The following RASA3 variants were observed in gnomAD, a reference collection of about 807,000 sequenced individuals.
RASA3 encodes the protein RAS p21 protein activator 3.
RASA3 carries 73 observed loss-of-function variants against 110.0 expected under a neutral mutation model. That is an observed-to-expected ratio of 0.66 (90% CI 0.55 to 0.81). The LOEUF (loss-of-function observed/expected upper bound fraction) is 0.81. Ranked by LOEUF, RASA3 falls within the 30% of genes least tolerant of loss-of-function variation. The probability of loss-of-function intolerance (pLI) is 0.00; values close to 1 mark genes in which losing one functional copy is unlikely to be tolerated. For synonymous variants in RASA3, 500 were observed against 451.4 expected, an observed-to-expected ratio of 1.11 and a Z score of -1.37; for missense variants, 976 against 1,113.2, an observed-to-expected ratio of 0.88 and a Z score of 1.75.
At position 114,011,023 on chromosome 13, in the gene RASA3, G is replaced by A. The variant is rs1309379506; in HGVS notation, c.1590+148C>T. The A allele has an allele frequency of 1.3e-6, 1 of 763,484 alleles. No homozygotes were observed. Among genetic ancestry groups the A allele is most frequent in the East Asian group, 2.8e-5 (1 of 36,132 alleles). The allele number at this position is 763,484 out of a possible 1,614,324, so 47.3% of individuals were successfully genotyped here. ...GCGGGACGGGGACGCTCAGGTCCTG[G>A]GTTTCAAGAGAGGATGTGGTGCCGG... On this transcript the variant is annotated intron_variant, in intron 16 of 23. Coordinates refer to ENST00000334062, the MANE Select transcript of RASA3 (RefSeq NM_007368.4). This position sits in a 1 kb window ranked among gnomAD's most constrained non-coding sequence, Gnocchi z 4.8.
chr13:114,039,452 A>T (rs961137762), intron 4 of RASA3, among the ~76,000 whole-genome samples: 1 of 152,062 alleles, frequency 6.6e-6, no homozygotes, highest in Non-Finnish European at 1.5e-5. Context: ...CTGCGGTCCC[A>T]GCTGAGGACC....
chr13:114,100,762 A>G (rs1199417925), intron 1 of RASA3, among the ~76,000 whole-genome samples: 4 of 152,082 alleles, frequency 2.6e-5, no homozygotes, highest in African/African-American at 4.8e-5. Flanking sequence ...GGAACTGTGT[A>G]CCCTTCGAGA....
At chr13:114,083,525 TCG>T in intron 1 of RASA3, among the ~76,000 whole-genome samples, 1 of 141,318 alleles carries the variant, frequency 7.1e-6, no homozygotes, top group Non-Finnish European at 1.6e-5. Flanking sequence ...GTCTGGAGTA[TCG>T]ACTCCCTTCG....
chr13:114,108,650 A>T (rs1167621419), intron 1 of RASA3: 1 of 151,982 alleles, frequency 6.6e-6, no homozygotes, highest in Non-Finnish European at 1.5e-5. Context: ...CCTTGTGTGC[A>T]CAGCTTCTGA....
In RASA3 at chr13:114,014,424, G is replaced by A. The variant is rs2053743700; in HGVS notation, c.1405+785C>T. ...GTGGGGACAGCGTTTGTCTCCTGGG[G>A]ACACAGAAGCGTGGACGGCTCTGCA... On this transcript the variant is annotated intron_variant, in intron 14 of 23. Coordinates refer to ENST00000334062, the MANE Select transcript of RASA3 (RefSeq NM_007368.4). This position sits in a 1 kb window ranked among gnomAD's most constrained non-coding sequence, Gnocchi z 4.5. 6.6e-6 allele frequency among the ~76,000 whole-genome samples: 1 copy of A among 152,168 alleles called. No individual in the cohort carries two copies. The highest frequency in any genetic ancestry group is 2.1e-4 in the South Asian group (1 of 4,826).
chr13:114,036,623 C>T (rs942525539), intron 4 of RASA3, among the ~76,000 whole-genome samples: 2 of 152,150 alleles, frequency 1.3e-5, no homozygotes, highest in African/African-American at 2.4e-5. Context: ...CAGCAACCTC[C>T]GCCTCCCGGG....
chr13:114,066,490 C>T (rs960447896), intron 2 of RASA3, among the ~76,000 whole-genome samples: 2 of 152,184 alleles, frequency 1.3e-5, no homozygotes, highest in African/African-American at 4.8e-5. Context: ...CGGTGCGGCC[C>T]CCTCGTGACA....
intron 2 of RASA3, among the ~76,000 whole-genome samples, chr13:114,070,743 C>T (rs1185943536): frequency 7.2e-6 from 1 of 138,954 alleles, no homozygotes; most frequent in Non-Finnish European, 1.6e-5. Flanking sequence ...CCGGCGTCCA[C>T]GCTAAACGGC....
chr13:113,981,891 G>A (rs377410160), intron 22 of RASA3, 33 bp from the exon 23 acceptor site: 96 of 1,595,388 alleles, frequency 6.0e-5, no homozygotes, highest in Non-Finnish European at 7.4e-5. Flanking sequence ...CGCAGGGCAG[G>A]AGCCCAGGCC....
intron 14 of RASA3, 134 bp downstream of exon 14, chr13:114,015,075 A>G: frequency 8.0e-7 from 1 of 1,254,732 alleles, no homozygotes; most frequent in South Asian, 1.4e-5. Flanking sequence ...GGAAAAATCC[A>G]GCATCGGAAC....
intron 1 of RASA3, among the ~76,000 whole-genome samples, chr13:114,076,564 C>T (rs553722086): frequency 6.6e-5 from 10 of 151,970 alleles, no homozygotes; most frequent in South Asian, 2.1e-4. Context: ...ACGCAGCACA[C>T]GCAGGCAGCA....
At chr13:114,089,987 C>T (rs1204172039) in intron 1 of RASA3, among the ~76,000 whole-genome samples, 3 of 152,222 alleles carry the variant, frequency 2.0e-5, no homozygotes, top group African/African-American at 7.2e-5. Context: ...CTCTGCCCAT[C>T]TTCCTGGCCA....
At position 114,011,100 on chromosome 13, in the gene RASA3, C is replaced by T. The variant is rs117653527; in HGVS notation, c.1590+71G>A. The T allele has an allele frequency of 5.7e-3, 7,763 of 1,370,160 alleles. 40 individuals are homozygous for T. The highest frequency in any genetic ancestry group is 8.9e-3 in the Middle Eastern group (50 of 5,598). The allele number at this position is 1,370,160 out of a possible 1,614,324, so 84.9% of individuals were successfully genotyped here. A position where few individuals can be genotyped will look rare whatever the true frequency, so the allele number is the denominator to read the frequency against. On this transcript the variant is annotated intron_variant, in intron 16 of 23. Transcript: ENST00000334062. This position sits in a 1 kb window ranked among gnomAD's most constrained non-coding sequence, Gnocchi z 4.8. ...ACTCTCTCAAATGTGGGAGGTTTTTCACGTGTATTTTCTGAAGAGAGAAAA... is the reference window on the plus strand; with the variant it reads ...ACTCTCTCAAATGTGGGAGGTTTTTTACGTGTATTTTCTGAAGAGAGAAAA...
chr13:114,028,735 G>A lies in RASA3; in HGVS notation c.450-808C>T, dbSNP rs868503492. Among the ~76,000 whole-genome samples, 147 of 59,274 alleles carry A rather than the reference G, an allele frequency of 2.5e-3. 52 individuals carry two copies. Among genetic ancestry groups the A allele is most frequent in the South Asian group, 6.2e-3 (7 of 1,130 alleles). 38.9% of individuals were successfully genotyped at this position (59,274 alleles called of 152,430 possible). A position where few individuals can be genotyped will look rare whatever the true frequency, so the allele number is the denominator to read the frequency against. ...ATCCTGGGGCCAGGACCTCTAAAAC[G>A]GCATCATCCTGGGGCCAGGACCTCT... On this transcript the variant is annotated intron_variant, in intron 5 of 23. Coordinates refer to ENST00000334062, the MANE Select transcript of RASA3 (RefSeq NM_007368.4).
At chr13:113,979,459 C>A (rs2052856332) in intron 23 of RASA3, 37 bp from the exon 24 acceptor site, 1 of 1,505,026 alleles carries the variant, frequency 6.6e-7, no homozygotes, top group Non-Finnish European at 9.2e-7. Flanking sequence ...GAGGCACAGA[C>A]CCCGTTGCCT....
rs151102306 is a variant in RASA3, at chr13:114,076,553, C to T, written c.56-2716G>A. 5.1e-3 allele frequency among the ~76,000 whole-genome samples: 780 copies of T among 151,880 alleles called. 4 individuals are homozygous for T. Among genetic ancestry groups the T allele is most frequent in the Non-Finnish European group, 8.2e-3 (555 of 67,874 alleles). ...ACGCACGCAGGCAGCACCGCACACA[C>T]ACGCAGCACACGCAGGCAGCACACG... On this transcript the variant is annotated intron_variant, in intron 1 of 23. Transcript: ENST00000334062.
rs919493555 is a variant in RASA3, at chr13:114,074,949, G to A, written c.56-1112C>T. Among the ~76,000 whole-genome samples the A allele has an allele frequency of 3.3e-5, 5 of 152,342 alleles. 1 individual carries two copies. Among genetic ancestry groups the A allele is most frequent in the African/African-American group, 1.2e-4 (5 of 41,566 alleles). On this transcript the variant is annotated intron_variant, in intron 1 of 23. Coordinates refer to ENST00000334062, the MANE Select transcript of RASA3 (RefSeq NM_007368.4). ...AGTGACAGCTGTCAATCCAGACAGCGGATGCCCAGTTTAAGTCCATTCTGT... is the reference window on the plus strand; with the variant it reads ...AGTGACAGCTGTCAATCCAGACAGCAGATGCCCAGTTTAAGTCCATTCTGT...
chr13:114,017,999 G>C (rs1207726106), intron 11 of RASA3, 105 bp downstream of exon 11: 6 of 1,265,422 alleles, frequency 4.7e-6, no homozygotes, highest in Non-Finnish European at 6.2e-6. Context: ...GGGGACCCTT[G>C]AATTCCCTCA....
In RASA3 at chr13:114,034,221, T is replaced by C. The variant is rs557074099; in HGVS notation, c.373-4334A>G. On this transcript the variant is annotated intron_variant, in intron 4 of 23. Coordinates refer to ENST00000334062, the MANE Select transcript of RASA3 (RefSeq NM_007368.4). ...ACCACCAAAGACAGGAGAAAGTGCCTGACCCAAGAATAACCAAGAATCCCC... is the reference window on the plus strand; with the variant it reads ...ACCACCAAAGACAGGAGAAAGTGCCCGACCCAAGAATAACCAAGAATCCCC... Among the ~76,000 whole-genome samples, 171 of 152,352 alleles carry C rather than the reference T, an allele frequency of 1.1e-3. 1 individual carries two copies. The highest frequency in any genetic ancestry group is 3.9e-3 in the African/African-American group (164 of 41,576).
Sources: gnomAD v4.1 joint callset for allele counts (sites outside exome capture counted in the v4.1 genomes callset) on GRCh38, gnomAD v4.1.1 for gene constraint, Gnocchi (gnomAD v3.1) non-coding constraint, MANE v1.5 for transcripts, NCBI Gene and HGNC (gene_info 2026-07-23, HGNC 2026-07-21) for gene names.